Variants in DCAF6 observed in about 807,000 individuals in gnomAD.
The protein encoded by DCAF6 is DDB1- and CUL4-associated factor 6.
A neutral mutation model predicts 125.1 loss-of-function variants in DCAF6; 54 were observed. The ratio of observed to expected loss-of-function variants is 0.43; its 90% CI spans 0.35 to 0.54. The LOEUF (loss-of-function observed/expected upper bound fraction) is 0.54, where lower values mean the gene tolerates loss of function less well. Among genes scored for constraint, DCAF6 ranks in the 20% least tolerant of loss-of-function variants. The pLI, the probability that DCAF6 is intolerant of heterozygous loss-of-function variation, is 0.01. For synonymous variants in DCAF6, 371 were observed against 390.4 expected, an observed-to-expected ratio of 0.95 and a Z score of 0.58; for missense variants, 934 against 1,161.7, an observed-to-expected ratio of 0.80 and a Z score of 2.85.
chr1:167,888,798 C>G, the DCAF6 span, among the ~76,000 whole-genome samples: 1 of 100,420 alleles, frequency 1.0e-5, no homozygotes, highest in Non-Finnish European at 2.1e-5. Context: ...ATAGAGTGAA[C>G]CCGGGAGGCG....
At chr1:167,899,153 C>T in the DCAF6 span, among the ~76,000 whole-genome samples, 2 of 152,292 alleles carry the variant, frequency 1.3e-5, no homozygotes, top group Admixed American at 6.5e-5. Context: ...TAAGCAAGGT[C>T]GCTAGCCCCT....
chr1:167,999,558 A>G (rs1169312309), intron 7 of DCAF6, among the ~76,000 whole-genome samples: 5 of 152,202 alleles, frequency 3.3e-5, no homozygotes, highest in African/African-American at 1.2e-4. Flanking sequence ...TATCTTAGCT[A>G]GATCTTCTGG....
Position 167,993,254 on chromosome 1 carries a change from A to G in DCAF6, c.717A>G (p.Gly239=). Residue 239 remains glycine, a synonymous_variant, in exon 7 of 22, where the codon GGA becomes GGG. Coordinates refer to ENST00000367840, the MANE Select transcript of DCAF6 (RefSeq NM_001198956.2). ...ATTATGCAGGTCGAGGGACTACTGG[A>G]ATGGTTGCCCGTTTTATTCCTTCCC... ...TGNYAGRGTT[G]MVARFIPSHL... 2 of 1,614,068 alleles carry G rather than the reference A, an allele frequency of 1.2e-6. No individual in the cohort carries two copies. Among genetic ancestry groups the G allele is most frequent in the East Asian group, 2.2e-5 (1 of 44,884 alleles).
chr1:168,013,136 C>T (rs1044437144), intron 10 of DCAF6, among the ~76,000 whole-genome samples: 2 of 152,086 alleles, frequency 1.3e-5, no homozygotes, highest in African/African-American at 4.8e-5. Context: ...ATTATGCTGA[C>T]TATAAATAAG....
the DCAF6 span, chr1:167,896,537 A>G: frequency 2.4e-5 from 32 of 1,359,682 alleles, no homozygotes; most frequent in Non-Finnish European, 3.2e-5. Flanking sequence ...CGGCATTGAT[A>G]TAAGACCCTA....
intron 6 of DCAF6, among the ~76,000 whole-genome samples, chr1:167,991,641 A>G (rs1053054241): frequency 2.6e-5 from 4 of 152,192 alleles, no homozygotes; most frequent in African/African-American, 9.6e-5. Flanking sequence ...CTGGAGGCTC[A>G]GTGTCTGAAA....
intron 6 of DCAF6, 150 bp from the exon 7 acceptor site, chr1:167,993,076 C>A: frequency 1.4e-6 from 1 of 694,352 alleles, no homozygotes; most frequent in Non-Finnish European, 2.3e-6. Flanking sequence ...AATCTGACTG[C>A]AGAGGAAGAA....
At chr1:167,977,893 C>T (rs961514510) in intron 4 of DCAF6, among the ~76,000 whole-genome samples, 1 of 152,158 alleles carries the variant, frequency 6.6e-6, no homozygotes, top group Non-Finnish European at 1.5e-5. Context: ...TTAAGTATCC[C>T]AAAAGCTCCC....
chr1:167,883,293 C>T, the DCAF6 span: 5 of 867,808 alleles, frequency 5.8e-6, no homozygotes, highest in Admixed American at 1.9e-5. Flanking sequence ...CCACCTCTGC[C>T]TCCCAAAGAG....
chr1:168,049,262 A>G (rs534757616), intron 16 of DCAF6, among the ~76,000 whole-genome samples: 1 of 152,144 alleles, frequency 6.6e-6, no homozygotes, highest in African/African-American at 2.4e-5. Flanking sequence ...TATTTTTTTG[A>G]GACAGGGTCT....
chr1:168,004,530 A>G lies in DCAF6; in HGVS notation c.1118-3A>G. 1 of 1,611,950 alleles carries G rather than the reference A, an allele frequency of 6.2e-7. No homozygotes were observed. Among genetic ancestry groups the G allele is most frequent in the Non-Finnish European group, 8.5e-7 (1 of 1,178,532 alleles). On this transcript the variant is annotated splice_region_variant and splice_polypyrimidine_tract_variant and intron_variant, in intron 9 of 21. Transcript: ENST00000367840. The stretch of plus-strand genomic sequence containing the variant: ...TGAATTTGCCTTAACATGTGTTTTG[A>G]AGGTGGAACAAGTCAATCAGATATT...
chr1:167,879,608 A>G, the DCAF6 span, among the ~76,000 whole-genome samples: 3 of 152,030 alleles, frequency 2.0e-5, no homozygotes, highest in Non-Finnish European at 4.4e-5. Context: ...TTTCAGACAT[A>G]ACTATCGTGG....
chr1:168,001,302 A>C (rs533861528), intron 7 of DCAF6, among the ~76,000 whole-genome samples: 17 of 152,244 alleles, frequency 1.1e-4, no homozygotes, highest in African/African-American at 3.6e-4. Flanking sequence ...GAAAAAAAAA[A>C]GTTAAAAATG....
chr1:168,045,797 T>C (rs73028112), intron 16 of DCAF6, among the ~76,000 whole-genome samples: 11,456 of 152,214 alleles, frequency 0.075, 535 homozygotes, highest in Middle Eastern at 0.1. Context: ...AGTTTTTCTA[T>C]ATTTTATGTG....
the DCAF6 span, chr1:167,901,826 C>T: frequency 3.1e-5 from 50 of 1,614,050 alleles, no homozygotes; most frequent in Middle Eastern, 6.6e-4. Context: ...AGACATGCCG[C>T]GGGCTTTTGA....
intron 4 of DCAF6, among the ~76,000 whole-genome samples, chr1:167,981,068 G>A (rs934540641): frequency 3.3e-5 from 5 of 151,534 alleles, no homozygotes; most frequent in African/African-American, 4.8e-5. Flanking sequence ...CACCACGCCC[G>A]GCTAATTTTT....
At chr1:167,900,156 G>C in the DCAF6 span, among the ~76,000 whole-genome samples, 2 of 152,194 alleles carry the variant, frequency 1.3e-5, no homozygotes, top group African/African-American at 4.8e-5. Context: ...GACAGAAGAA[G>C]ATATTGTATA....
the DCAF6 span, among the ~76,000 whole-genome samples, chr1:167,928,458 C>T: frequency 7.9e-5 from 12 of 151,996 alleles, no homozygotes; most frequent in South Asian, 2.1e-3. Context: ...TCAAATAAAG[C>T]TAGACAGGTA....
chr1:167,921,532 C>T, the DCAF6 span, among the ~76,000 whole-genome samples: 4 of 152,022 alleles, frequency 2.6e-5, no homozygotes, highest in Admixed American at 1.3e-4. Flanking sequence ...TTGGCTGTTA[C>T]GCCATTTTTC....
Sources: gnomAD v4.1 joint callset for allele counts (sites outside exome capture counted in the v4.1 genomes callset) on GRCh38, gnomAD v4.1.1 for gene constraint, MANE v1.5 for transcripts, NCBI Gene and HGNC (gene_info 2026-07-23, HGNC 2026-07-21) for gene names.